Variants in RANBP2 observed in about 807,000 individuals in gnomAD.
RANBP2 encodes E3 SUMO-protein ligase RanBP2.
RANBP2 carries 57 observed loss-of-function variants against 303.6 expected under a neutral mutation model. The observed-to-expected ratio is 0.19, with a 90% CI of 0.15 to 0.23. The LOEUF (loss-of-function observed/expected upper bound fraction) is 0.23. Among genes scored for constraint, RANBP2 ranks in the 10% least tolerant of loss-of-function variants. The probability of loss-of-function intolerance (pLI) is 1.00; values close to 1 mark genes in which losing one functional copy is unlikely to be tolerated. For missense variants in RANBP2, 3,138 were observed against 3,780.8 expected (o/e 0.83, Z 4.46); for synonymous variants, 1,167 against 1,301.5 (o/e 0.90, Z 2.23).
the RANBP2 span, among the ~76,000 whole-genome samples, chr2:109,110,789 A>T: frequency 6.6e-6 from 1 of 152,214 alleles, no homozygotes; most frequent in African/African-American, 2.4e-5. Context: ...AGGTGAGATC[A>T]GGTGGCTACT....
chr2:109,339,448 C>A, the RANBP2 span, among the ~76,000 whole-genome samples: 1 of 152,146 alleles, frequency 6.6e-6, no homozygotes, highest in African/African-American at 2.4e-5. Context: ...GGCTGGAGAT[C>A]CAGGTCCCCA....
chr2:109,696,151 G>T, the RANBP2 span, among the ~76,000 whole-genome samples: 1 of 152,066 alleles, frequency 6.6e-6, no homozygotes. Flanking sequence ...TGTTAGTAGA[G>T]ATGGGGTTTC....
chr2:109,297,931 TC>T, the RANBP2 span, among the ~76,000 whole-genome samples: 32 of 149,234 alleles, frequency 2.1e-4, no homozygotes, highest in Admixed American at 1.1e-3. Context: ...AGATGTGTGT[TC>T]CCCCCCCACC....
At chr2:109,264,914 G>A in the RANBP2 span, among the ~76,000 whole-genome samples, 4 of 152,184 alleles carry the variant, frequency 2.6e-5, no homozygotes, top group African/African-American at 9.7e-5. Flanking sequence ...TGCCTTCCTA[G>A]CATAATTCTT....
At chr2:109,669,850 C>A in the RANBP2 span, among the ~76,000 whole-genome samples, 1 of 152,194 alleles carries the variant, frequency 6.6e-6, no homozygotes, top group South Asian at 2.1e-4. Context: ...CAGGTAGCAC[C>A]CCTAACCAGT....
chr2:109,303,292 G>A, the RANBP2 span, among the ~76,000 whole-genome samples: 780 of 152,342 alleles, frequency 5.1e-3, 9 homozygotes, highest in African/African-American at 0.018. Flanking sequence ...AATTTGGAAC[G>A]TCCATCCATG....
chr2:109,148,905 T>G, the RANBP2 span, among the ~76,000 whole-genome samples: 3 of 152,158 alleles, frequency 2.0e-5, no homozygotes. Context: ...ATTGGTGGTT[T>G]TACCCAAAAA....
In RANBP2 at chr2:108,765,472, C is replaced by T. The variant is rs1677053505; in HGVS notation, c.4933C>T (p.Pro1645Ser). Residue 1645 changes from proline to serine, a missense_variant, in exon 20 of 29, where the codon CCT becomes TCT. Pro to Ser is a moderately conservative substitution (Grantham distance 74, BLOSUM62 -1). Coordinates refer to ENST00000283195, the MANE Select transcript of RANBP2 (RefSeq NM_006267.5). ...QNQTTSAVST[P>S]ASSETSKAPK... ...TCAAACTACTTCTGCAGTTTCAACA[C>T]CTGCCTCTTCAGAGACAAGCAAGGC... is the stretch of plus-strand genomic sequence containing the variant. The T allele has an allele frequency of 6.5e-7, 1 of 1,544,040 alleles. No individual in the cohort carries two copies. Among genetic ancestry groups the T allele is most frequent in the Admixed American group, 1.9e-5 (1 of 53,040 alleles).
At chr2:108,980,936 T>C in the RANBP2 span, among the ~76,000 whole-genome samples, 1 of 151,556 alleles carries the variant, frequency 6.6e-6, no homozygotes, top group Admixed American at 6.6e-5. Flanking sequence ...GCCAAATTGA[T>C]AGACTGCTCC....
chr2:108,860,068 A>G, the RANBP2 span, among the ~76,000 whole-genome samples: 1 of 152,018 alleles, frequency 6.6e-6, no homozygotes, highest in Non-Finnish European at 1.5e-5. Flanking sequence ...TGGCTGTTGT[A>G]AATAGGATTG....
chr2:109,717,904 A>C, the RANBP2 span, among the ~76,000 whole-genome samples: 1 of 152,232 alleles, frequency 6.6e-6, no homozygotes, highest in Non-Finnish European at 1.5e-5. Context: ...ACAGAGTAAA[A>C]GTCTGTCTCA....
the RANBP2 span, among the ~76,000 whole-genome samples, chr2:109,496,572 C>G: frequency 0.26 from 38,811 of 152,082 alleles, 5,313 homozygotes; most frequent in East Asian, 0.5. Flanking sequence ...CTGGCCGACT[C>G]CTGCCCCTTT....
At chr2:109,644,793 C>G in the RANBP2 span, among the ~76,000 whole-genome samples, 2 of 152,182 alleles carry the variant, frequency 1.3e-5, no homozygotes, top group Non-Finnish European at 2.9e-5. Context: ...TAAACCTGGA[C>G]CTTGTTTTCT....
At chr2:109,569,001 C>A in the RANBP2 span, among the ~76,000 whole-genome samples, 1 of 152,162 alleles carries the variant, frequency 6.6e-6, no homozygotes, top group South Asian at 2.1e-4. Context: ...TTAATATCCC[C>A]ACAAAAGACT....
the RANBP2 span, chr2:108,929,111 A>G: frequency 2.7e-6 from 4 of 1,487,846 alleles, no homozygotes; most frequent in Non-Finnish European, 3.7e-6. Flanking sequence ...AGTATCCATG[A>G]CCCCTGTTCC....
the RANBP2 span, among the ~76,000 whole-genome samples, chr2:108,945,840 T>A: frequency 6.6e-6 from 1 of 152,198 alleles, no homozygotes; most frequent in African/African-American, 2.4e-5. Flanking sequence ...CCCACTTGTA[T>A]GAGGTCCCCA....
At chr2:108,983,537 C>T in the RANBP2 span, among the ~76,000 whole-genome samples, 1 of 152,194 alleles carries the variant, frequency 6.6e-6, no homozygotes, top group Non-Finnish European at 1.5e-5. Flanking sequence ...AGACCCCAAC[C>T]AGACATCAAG....
the RANBP2 span, among the ~76,000 whole-genome samples, chr2:109,755,269 C>T: frequency 7.1e-6 from 1 of 141,200 alleles, no homozygotes; most frequent in African/African-American, 2.7e-5. Flanking sequence ...TTTGATTTCC[C>T]CTCAGATTCA....
At chr2:108,781,119 GAGGA>G (rs1678226087) in intron 25 of RANBP2, 146 bp from the exon 26 acceptor site, 22 of 917,774 alleles carry the variant, frequency 2.4e-5, no homozygotes, top group Non-Finnish European at 2.8e-5. Flanking sequence ...TTACAGGCGT[GAGGA>G]ATTTACTAGA....
Sources: allele counts gnomAD v4.1 joint callset (sites outside exome capture counted in the v4.1 genomes callset), GRCh38; gene constraint gnomAD v4.1.1; transcripts MANE v1.5; gene names NCBI Gene and HGNC (gene_info 2026-07-23, HGNC 2026-07-21).